CACNA2D1: variants seen among roughly 807,000 people sequenced by gnomAD.
The protein encoded by CACNA2D1 is voltage-dependent calcium channel subunit alpha-2/delta-1.
In CACNA2D1, 53 loss-of-function variants were observed where a neutral mutation model predicts 171.5. The observed-to-expected ratio is 0.31, with a 90% CI of 0.25 to 0.39. The LOEUF (loss-of-function observed/expected upper bound fraction) is 0.39. CACNA2D1 is among the 10% of genes least tolerant of loss of function. The pLI, the probability that CACNA2D1 is intolerant of heterozygous loss-of-function variation, is 1.00. For synonymous variants in CACNA2D1, 442 were observed against 443.1 expected, an observed-to-expected ratio of 1.00 and a Z score of 0.03; for missense variants, 903 against 1,299.8, an observed-to-expected ratio of 0.69 and a Z score of 4.69.
At chr7:81,966,820 G>T (rs1428635745) in intron 31 of CACNA2D1, among the ~76,000 whole-genome samples, 1 of 151,398 alleles carries the variant, frequency 6.6e-6, no homozygotes, top group Admixed American at 6.6e-5. Context: ...AGAGAAAACT[G>T]CATTGATAAC....
chr7:81,950,251 C>A lies in CACNA2D1; in HGVS notation c.*141G>T. 1 of 1,490,090 alleles carries A rather than the reference C, an allele frequency of 6.7e-7. No individual in the cohort carries two copies. The allele number at this position is 1,490,090 out of a possible 1,614,324, so 92.3% of individuals were successfully genotyped here. A position where few individuals can be genotyped will look rare whatever the true frequency, so the allele number is the denominator to read the frequency against. ...AGCCAGTGGGTGCCTTAGGAGTCTG[C>A]GCCTTAGTGTTATGCCATGGAACAG... On this transcript the variant is annotated 3_prime_UTR_variant, in exon 39 of 39. Transcript: ENST00000356860.
At chr7:82,022,010 C>A (rs1445874068) in intron 12 of CACNA2D1, among the ~76,000 whole-genome samples, 2 of 151,934 alleles carry the variant, frequency 1.3e-5, no homozygotes, top group Non-Finnish European at 2.9e-5. Context: ...ATAAAGTTTA[C>A]ATCATATCAT....
chr7:82,306,207 AT>A (rs1359639972), intron 3 of CACNA2D1, among the ~76,000 whole-genome samples: 1 of 152,002 alleles, frequency 6.6e-6, no homozygotes, highest in African/African-American at 2.4e-5. Flanking sequence ...TGGAATCACT[AT>A]TTTTTGGTCT....
chr7:82,395,234 A>C (rs1440304910), intron 1 of CACNA2D1, among the ~76,000 whole-genome samples: 1 of 152,152 alleles, frequency 6.6e-6, no homozygotes, highest in Non-Finnish European at 1.5e-5. Context: ...ACTCTGATGG[A>C]ATGTATGATA....
chr7:82,046,982 C>T (rs940865162), intron 10 of CACNA2D1, among the ~76,000 whole-genome samples: 2 of 152,012 alleles, frequency 1.3e-5, no homozygotes, highest in Admixed American at 6.6e-5. Flanking sequence ...ATTCTCTAAT[C>T]ATATTCATTT....
intron 1 of CACNA2D1, among the ~76,000 whole-genome samples, chr7:82,429,605 C>T (rs1196861205): frequency 2.0e-5 from 3 of 152,182 alleles, no homozygotes; most frequent in Non-Finnish European, 4.4e-5. Flanking sequence ...AGATGCCACA[C>T]AGACAGGTTG....
intron 12 of CACNA2D1, among the ~76,000 whole-genome samples, chr7:82,025,561 T>C (rs1009290931): frequency 6.6e-6 from 1 of 151,704 alleles, no homozygotes; most frequent in Non-Finnish European, 1.5e-5. Context: ...TGAAGTCCTT[T>C]AGTGTCTTCT....
At chr7:81,968,380 G>T (rs1180927444) in intron 29 of CACNA2D1, among the ~76,000 whole-genome samples, 15 of 151,358 alleles carry the variant, frequency 9.9e-5, no homozygotes, top group Non-Finnish European at 2.2e-4. Context: ...TTTCCAAAAA[G>T]TCATTTTTCT....
At chr7:82,009,981 G>A (rs1442538499) in intron 15 of CACNA2D1, among the ~76,000 whole-genome samples, 1 of 151,732 alleles carries the variant, frequency 6.6e-6, no homozygotes, top group African/African-American at 2.4e-5. Flanking sequence ...AAATGACCAA[G>A]GTATCATTTT....
intron 7 of CACNA2D1, among the ~76,000 whole-genome samples, chr7:82,071,938 A>C (rs561128371): frequency 6.6e-5 from 10 of 152,314 alleles, no homozygotes; most frequent in African/African-American, 1.9e-4. Context: ...AATCAGACAG[A>C]TGAGGACAAC....
At chr7:82,352,524 T>G (rs1207702352) in intron 1 of CACNA2D1, among the ~76,000 whole-genome samples, 1 of 152,208 alleles carries the variant, frequency 6.6e-6, no homozygotes, top group Admixed American at 6.5e-5. Flanking sequence ...AAGAATTCAT[T>G]GTTGTTCTTT....
intron 4 of CACNA2D1, among the ~76,000 whole-genome samples, chr7:82,139,781 C>CTT (rs142894019): frequency 7.0e-6 from 1 of 142,906 alleles, no homozygotes; most frequent in African/African-American, 2.6e-5. Flanking sequence ...TTGACATTTC[C>CTT]TTTTTTTTTT....
intron 26 of CACNA2D1, among the ~76,000 whole-genome samples, 175 bp downstream of exon 26, chr7:81,971,602 G>A (rs1271669664): frequency 6.6e-6 from 1 of 151,606 alleles, no homozygotes; most frequent in African/African-American, 2.4e-5. Flanking sequence ...CATTAGTACT[G>A]AAAAACACCC....
chr7:82,029,368 CAAA>C (rs977000710), intron 12 of CACNA2D1: 1 of 151,488 alleles, frequency 6.6e-6, no homozygotes, highest in Admixed American at 6.6e-5. Flanking sequence ...AATGGGAAAA[CAAA>C]AAACTTGTGT....
chr7:81,972,189 T>G (rs1347292635), intron 25 of CACNA2D1, among the ~76,000 whole-genome samples: 1 of 151,454 alleles, frequency 6.6e-6, no homozygotes. Context: ...TATGGTAGCA[T>G]GGCGATTCCC....
chr7:82,169,109 G>A (rs994525413), intron 4 of CACNA2D1, among the ~76,000 whole-genome samples: 1 of 151,926 alleles, frequency 6.6e-6, no homozygotes, highest in Non-Finnish European at 1.5e-5. Flanking sequence ...TATTTAGCTA[G>A]ATTTGTTTTG....
chr7:82,044,545 C>T (rs1269652225), intron 10 of CACNA2D1, among the ~76,000 whole-genome samples: 1 of 152,038 alleles, frequency 6.6e-6, no homozygotes, highest in Non-Finnish European at 1.5e-5. Flanking sequence ...CTTATTTACA[C>T]AAGTTAACTA....
At chr7:82,098,071 A>G (rs1812133148) in intron 6 of CACNA2D1, among the ~76,000 whole-genome samples, 1 of 152,084 alleles carries the variant, frequency 6.6e-6, no homozygotes, top group Non-Finnish European at 1.5e-5. Context: ...CCGAGGTTGC[A>G]ATGAGCCGAG....
At chr7:82,313,008 G>A (rs549226651) in intron 3 of CACNA2D1, among the ~76,000 whole-genome samples, 1 of 152,052 alleles carries the variant, frequency 6.6e-6, no homozygotes, top group African/African-American at 2.4e-5. Context: ...TAAGTGCATC[G>A]TATGTACAGT....
Sources: gnomAD v4.1 joint callset for allele counts (sites outside exome capture counted in the v4.1 genomes callset) on GRCh38, gnomAD v4.1.1 for gene constraint, MANE v1.5 for transcripts, NCBI Gene and HGNC (gene_info 2026-07-23, HGNC 2026-07-21) for gene names.